LUZP2: variants seen among roughly 807,000 people sequenced by gnomAD.
The protein encoded by LUZP2 is leucine zipper protein 2.
In LUZP2, 52 loss-of-function variants were observed where a neutral mutation model predicts 51.6. That is an observed-to-expected ratio of 1.01 (90% CI 0.81 to 1.27). The LOEUF is 1.27. Among genes scored for constraint, LUZP2 ranks in the 50% most tolerant of loss-of-function variants. The pLI is 0.00. For missense variants in LUZP2, 436 were observed against 395.4 expected (o/e 1.10, Z -0.87); for synonymous variants, 154 against 137.3 (o/e 1.12, Z -0.85).
chr11:24,659,427 G>C (rs142666296), intron 1 of LUZP2, among the ~76,000 whole-genome samples: 3 of 152,030 alleles, frequency 2.0e-5, no homozygotes, highest in African/African-American at 4.8e-5. Context: ...TTGTGGGGTG[G>C]GGGGAGCGGG....
intron 1 of LUZP2, among the ~76,000 whole-genome samples, chr11:24,565,222 G>A (rs1285220453): frequency 6.6e-6 from 1 of 152,182 alleles, no homozygotes; most frequent in Non-Finnish European, 1.5e-5. Context: ...TGGCTGTAAA[G>A]AAGGCTTGAT....
intron 5 of LUZP2, among the ~76,000 whole-genome samples, chr11:24,774,362 C>CTCTCTCTCTCTCTCTCTCTCTCTCTCTA (rs776739280): frequency 1.3e-5 from 1 of 76,382 alleles, no homozygotes; most frequent in African/African-American, 6.0e-5. Flanking sequence ...CTCTCTCTCT[C>CTCTCTCTCTCTCTCTCTCTCTCTCTCTA]TATATATATA....
rs77287419 is a variant in LUZP2, at chr11:24,505,095, T to C, written c.62+7790T>C. ...TCCAAACTAGTTTTCAGAGCTAAGG[T>C]ATTGGTAAGGGCTAAATCAGATTCT... is the stretch of plus-strand genomic sequence containing the variant. On this transcript the variant is annotated intron_variant, in intron 1 of 11. Coordinates refer to ENST00000336930, the MANE Select transcript of LUZP2 (RefSeq NM_001009909.4). Among the ~76,000 whole-genome samples, 42 of 152,214 alleles carry C rather than the reference T, an allele frequency of 2.8e-4. 1 individual carries two copies. The East Asian group carries it at 7.7e-3, about 28-fold the overall frequency.
intron 1 of LUZP2, among the ~76,000 whole-genome samples, chr11:24,516,471 A>T (rs1475674677): frequency 6.6e-6 from 1 of 152,240 alleles, no homozygotes; most frequent in Non-Finnish European, 1.5e-5. Flanking sequence ...CATAGGAAGA[A>T]AACAAAGACA....
chr11:24,518,261 A>G (rs868091271), intron 1 of LUZP2, among the ~76,000 whole-genome samples: 3 of 152,332 alleles, frequency 2.0e-5, no homozygotes, highest in African/African-American at 7.2e-5. Context: ...CATCTAATCC[A>G]TGAGTCAATG....
In LUZP2 at chr11:24,712,506, T is replaced by C. The variant is rs139688902; in HGVS notation, c.63-16663T>C. 1.5e-3 allele frequency among the ~76,000 whole-genome samples: 231 copies of C among 152,214 alleles called. 1 individual carries two copies. Among genetic ancestry groups the C allele is most frequent in the African/African-American group, 5.1e-3 (211 of 41,544 alleles). ...ATGAAGATCTGTGATACAAAATTAC[T>C]AGGAGAAAGCATCAGGGTTAAAAGG... On this transcript the variant is annotated intron_variant, in intron 1 of 11. Coordinates refer to ENST00000336930, the MANE Select transcript of LUZP2 (RefSeq NM_001009909.4).
At chr11:24,843,231 T>C (rs1180482620) in intron 5 of LUZP2, among the ~76,000 whole-genome samples, 1 of 152,114 alleles carries the variant, frequency 6.6e-6, no homozygotes, top group Non-Finnish European at 1.5e-5. Flanking sequence ...TTAGTTAGAA[T>C]GTTCCCAAAG....
intron 1 of LUZP2, among the ~76,000 whole-genome samples, chr11:24,614,010 G>A (rs1264201841): frequency 5.3e-5 from 8 of 151,932 alleles, no homozygotes; most frequent in Non-Finnish European, 1.2e-4. Context: ...TCCATCAGCT[G>A]TGTTTATGAG....
intron 5 of LUZP2, among the ~76,000 whole-genome samples, chr11:24,819,741 C>A (rs1316488102): frequency 6.7e-6 from 1 of 150,254 alleles, no homozygotes; most frequent in South Asian, 2.1e-4. Flanking sequence ...TAATTTTTTT[C>A]TCACAATAAC....
At chr11:25,048,939 T>C (rs1322527885) in intron 9 of LUZP2, among the ~76,000 whole-genome samples, 4 of 152,144 alleles carry the variant, frequency 2.6e-5, no homozygotes, top group Non-Finnish European at 5.9e-5. Context: ...GTTTTTCTAA[T>C]ATTCTAGTTG....
intron 1 of LUZP2, among the ~76,000 whole-genome samples, chr11:24,722,386 C>T (rs2129362): frequency 0.36 from 54,440 of 151,814 alleles, 10,164 homozygotes; most frequent in Non-Finnish European, 0.41. Flanking sequence ...ACATCTTACA[C>T]GGATGGCAGC....
At chr11:24,757,188 T>G (rs1859807410) in intron 4 of LUZP2, among the ~76,000 whole-genome samples, 1 of 152,144 alleles carries the variant, frequency 6.6e-6, no homozygotes, top group Non-Finnish European at 1.5e-5. Context: ...TAGTAAGAAA[T>G]CACCGACAAA....
chr11:24,934,660 A>G (rs1364264426), intron 7 of LUZP2, among the ~76,000 whole-genome samples: 1 of 152,246 alleles, frequency 6.6e-6, no homozygotes. Flanking sequence ...AAAATGTTAT[A>G]TGTCAGGACT....
At chr11:24,748,829 C>T (rs72884460) in intron 4 of LUZP2, among the ~76,000 whole-genome samples, 6 of 152,132 alleles carry the variant, frequency 3.9e-5, no homozygotes, top group Non-Finnish European at 7.4e-5. Flanking sequence ...AATATACACA[C>T]ATACACATAC....
At chr11:25,032,918 A>G (rs2133993959) in intron 9 of LUZP2, among the ~76,000 whole-genome samples, 1 of 152,314 alleles carries the variant, frequency 6.6e-6, no homozygotes, top group South Asian at 2.1e-4. Context: ...TTTGTTAAGA[A>G]TCAAGACAGC....
At chr11:24,916,743 A>G (rs1005145607) in intron 7 of LUZP2, among the ~76,000 whole-genome samples, 3 of 152,202 alleles carry the variant, frequency 2.0e-5, no homozygotes, top group Non-Finnish European at 1.5e-5. Context: ...ACTGATGGAC[A>G]TTTGGGTTGA....
chr11:24,752,618 C>A (rs1188205182), intron 4 of LUZP2, among the ~76,000 whole-genome samples: 1 of 151,892 alleles, frequency 6.6e-6, no homozygotes, highest in Non-Finnish European at 1.5e-5. Flanking sequence ...ATAACCAAGA[C>A]TATTATAAAT....
chr11:24,579,761 T>C (rs1018548107), intron 1 of LUZP2, among the ~76,000 whole-genome samples: 1 of 152,096 alleles, frequency 6.6e-6, no homozygotes, highest in Non-Finnish European at 1.5e-5. Flanking sequence ...CAAAGATATA[T>C]ACATTGCAAA....
At chr11:25,046,998 T>C (rs1858333705) in intron 9 of LUZP2, among the ~76,000 whole-genome samples, 1 of 152,192 alleles carries the variant, frequency 6.6e-6, no homozygotes, top group African/African-American at 2.4e-5. Context: ...TAATTTCCTT[T>C]AATGCCACTA....
Sources: gnomAD v4.1 joint callset for allele counts (sites outside exome capture counted in the v4.1 genomes callset) on GRCh38, gnomAD v4.1.1 for gene constraint, MANE v1.5 for transcripts, NCBI Gene and HGNC (gene_info 2026-07-23, HGNC 2026-07-21) for gene names.